The following RBFOX3 variants were observed in gnomAD, a reference collection of about 807,000 sequenced individuals.
RBFOX3 encodes RNA binding protein fox-1 homolog 3.
RBFOX3 carries 17 observed loss-of-function variants against 48.7 expected under a neutral mutation model. The observed-to-expected ratio is 0.35, with a 90% CI of 0.24 to 0.52. The LOEUF (loss-of-function observed/expected upper bound fraction) is 0.52, where lower values mean the gene tolerates loss of function less well. Ranked by LOEUF, RBFOX3 falls within the 20% of genes least tolerant of loss-of-function variation. RBFOX3 has a pLI of 0.94. For missense variants in RBFOX3, 382 were observed against 497.5 expected (o/e 0.77, Z 2.21); for synonymous variants, 212 against 209.5 (o/e 1.01, Z -0.10).
At chr17:79,209,758 C>T (rs535324624) in intron 4 of RBFOX3, among the ~76,000 whole-genome samples, 9 of 152,236 alleles carry the variant, frequency 5.9e-5, no homozygotes, top group East Asian at 3.9e-4. Flanking sequence ...CTTTGGGAGG[C>T]GGAGGCGGGT....
At chr17:79,636,389 G>A in the RBFOX3 span, among the ~76,000 whole-genome samples, 5 of 151,972 alleles carry the variant, frequency 3.3e-5, no homozygotes, top group African/African-American at 9.7e-5. Context: ...CATTAAGAAA[G>A]GTCAACCAGG....
intron 4 of RBFOX3, among the ~76,000 whole-genome samples, chr17:79,125,881 G>A (rs139149997): frequency 2.2e-3 from 334 of 152,336 alleles, no homozygotes; most frequent in Admixed American, 4.6e-3. Flanking sequence ...GGCCCCATCC[G>A]CCGAGCTGTG....
the RBFOX3 span, among the ~76,000 whole-genome samples, chr17:79,661,373 T>C: frequency 2.0e-5 from 3 of 152,252 alleles, no homozygotes; most frequent in Admixed American, 6.5e-5. Flanking sequence ...CCTGGATTCT[T>C]TGATTCTACA....
At chr17:79,297,101 G>A (rs77771440) in intron 3 of RBFOX3, among the ~76,000 whole-genome samples, 2 of 127,408 alleles carry the variant, frequency 1.6e-5, no homozygotes, top group Admixed American at 1.7e-4. Flanking sequence ...TTAAAGTGAT[G>A]CCCAAGGCCC....
intron 3 of RBFOX3, among the ~76,000 whole-genome samples, chr17:79,297,755 C>T (rs1423043007): frequency 2.0e-5 from 3 of 152,216 alleles, no homozygotes; most frequent in Non-Finnish European, 2.9e-5. Flanking sequence ...GGAAGTTATG[C>T]CCTTGGAATT....
At chr17:79,565,584 G>T (rs973871989) in intron 1 of RBFOX3, among the ~76,000 whole-genome samples, 1 of 152,064 alleles carries the variant, frequency 6.6e-6, no homozygotes, top group Non-Finnish European at 1.5e-5. Context: ...CAATTGATCC[G>T]CCCACCTTGG....
At position 79,104,130 on chromosome 17, in the gene RBFOX3, C is replaced by T. The variant is rs1291386188; in HGVS notation, c.361-4G>A. ...CGTCTAAAATTTTTCCGAATTGCTG[C>T]AGAGACAGAGACAAAGAGGGAGTGG... On this transcript the variant is annotated splice_polypyrimidine_tract_variant and splice_region_variant and intron_variant, in intron 6 of 14. Transcript: ENST00000693108. The T allele has an allele frequency of 6.4e-7, 1 of 1,550,630 alleles. No individual in the cohort carries two copies. The highest frequency in any genetic ancestry group is 2.4e-5 in the East Asian group (1 of 40,930).
the RBFOX3 span, among the ~76,000 whole-genome samples, chr17:79,644,417 C>A: frequency 6.6e-6 from 1 of 152,230 alleles, no homozygotes; most frequent in African/African-American, 2.4e-5. Context: ...CAAAAATTCT[C>A]TACAAAATAC....
intron 2 of RBFOX3, among the ~76,000 whole-genome samples, chr17:79,441,708 C>T (rs1175398735): frequency 6.6e-6 from 1 of 152,206 alleles, no homozygotes; most frequent in Non-Finnish European, 1.5e-5. Flanking sequence ...ACAGCAACCC[C>T]CAGAAAGCAG....
chr17:79,531,472 C>T (rs1568384216), intron 1 of RBFOX3, among the ~76,000 whole-genome samples: 3 of 152,192 alleles, frequency 2.0e-5, no homozygotes, highest in Admixed American at 6.5e-5. Flanking sequence ...ATTTAGAACG[C>T]GTGATGGCTG....
intron 1 of RBFOX3, among the ~76,000 whole-genome samples, chr17:79,520,646 T>G (rs960309533): frequency 1.2e-4 from 19 of 152,152 alleles, no homozygotes; most frequent in Non-Finnish European, 1.3e-4. Flanking sequence ...GCCTGACATC[T>G]CGGCCTGGGG....
At chr17:79,221,942 AAT>A (rs1314589348) in intron 4 of RBFOX3, among the ~76,000 whole-genome samples, 2 of 152,172 alleles carry the variant, frequency 1.3e-5, no homozygotes, top group Non-Finnish European at 2.9e-5. Flanking sequence ...AGAGGGCAGA[AAT>A]ATGAGTTGCT....
chr17:79,370,588 C>A (rs950399834), intron 2 of RBFOX3, among the ~76,000 whole-genome samples: 1 of 151,750 alleles, frequency 6.6e-6, no homozygotes, highest in Admixed American at 6.6e-5. Context: ...GGCACACACA[C>A]GTACACGTCT....
At chr17:79,117,221 C>T (rs1042941912) in intron 4 of RBFOX3, among the ~76,000 whole-genome samples, 56 of 152,336 alleles carry the variant, frequency 3.7e-4, no homozygotes, top group Middle Eastern at 3.4e-3. Flanking sequence ...GGACAGATGC[C>T]GCCTCTGCCT....
At chr17:79,635,734 G>C in the RBFOX3 span, among the ~76,000 whole-genome samples, 3 of 152,040 alleles carry the variant, frequency 2.0e-5, no homozygotes, top group African/African-American at 7.2e-5. Context: ...AAAAGTTACG[G>C]CAAATTAAGA....
chr17:79,103,663 G>A lies in RBFOX3; in HGVS notation c.415-409C>T, dbSNP rs2076855135. Among the ~76,000 whole-genome samples, 1 of 152,138 alleles carries A rather than the reference G, an allele frequency of 6.6e-6. No individual in the cohort carries two copies. The highest frequency in any genetic ancestry group is 1.9e-4 in the East Asian group (1 of 5,178). ...GGCAGCCCACCCATCTCCACCCTCGGAGCCCAGGGTAGAGGGTCGTGCCTT... is the reference window on the plus strand; with the variant it reads ...GGCAGCCCACCCATCTCCACCCTCGAAGCCCAGGGTAGAGGGTCGTGCCTT... On this transcript the variant is annotated intron_variant, in intron 7 of 14. Transcript: ENST00000693108. This position sits in a 1 kb window ranked among gnomAD's most constrained non-coding sequence, Gnocchi z 6.1.
intron 1 of RBFOX3, among the ~76,000 whole-genome samples, chr17:79,532,630 G>A (rs1235237420): frequency 2.0e-5 from 3 of 152,210 alleles, no homozygotes; most frequent in Admixed American, 1.3e-4. Context: ...CACAGAGCTC[G>A]CTCTCCAGGA....
rs570872543 is a variant in RBFOX3, at chr17:79,402,938, G to T, written c.-175+79516C>A. On this transcript the variant is annotated intron_variant, in intron 2 of 14. Coordinates refer to ENST00000693108, the MANE Select transcript of RBFOX3 (RefSeq NM_001350451.2). ...TTCTCAGCAGGAGCCTGACCCACAG[G>T]ACGTGCCCGGCAAAGAGAAGGCTCA... Among the ~76,000 whole-genome samples the T allele has an allele frequency of 1.3e-3, 201 of 152,312 alleles. 1 individual carries two copies. The highest frequency in any genetic ancestry group is 4.4e-3 in the African/African-American group (181 of 41,566).
At chr17:79,092,708 GA>G (rs11286198) in intron 14 of RBFOX3, 216,767 of 632,536 alleles carry the variant, frequency 0.34, 27,665 homozygotes, top group African/African-American at 0.54. Flanking sequence ...AAAGCAAAAA[GA>G]AAAAAAAAAA....
Sources: allele counts gnomAD v4.1 joint callset (sites outside exome capture counted in the v4.1 genomes callset), GRCh38; gene constraint gnomAD v4.1.1; non-coding constraint Gnocchi (gnomAD v3.1); transcripts MANE v1.5; gene names NCBI Gene and HGNC (gene_info 2026-07-23, HGNC 2026-07-21).